The following RAB30 variants were observed in gnomAD, a reference collection of about 807,000 sequenced individuals.
RAB30 encodes ras-related protein Rab-30.
In RAB30, 9 loss-of-function variants were observed where a neutral mutation model predicts 25.1. That is an observed-to-expected ratio of 0.36 (90% CI 0.22 to 0.63). RAB30 has a LOEUF of 0.63. RAB30 is among the 20% of genes least tolerant of loss of function. The pLI is 0.69. For missense variants in RAB30, 140 were observed against 243.5 expected (o/e 0.58, Z 2.83); for synonymous variants, 77 against 86.4 (o/e 0.89, Z 0.60).
chr11:83,014,677 AG>A (rs1240777365), intron 1 of RAB30, among the ~76,000 whole-genome samples: 3 of 147,528 alleles, frequency 2.0e-5, no homozygotes, highest in Non-Finnish European at 4.5e-5. Flanking sequence ...AAAGAAAGAA[AG>A]AAAGAAAGAA....
At chr11:83,021,831 A>C (rs1857586065) in intron 1 of RAB30, among the ~76,000 whole-genome samples, 1 of 152,264 alleles carries the variant, frequency 6.6e-6, no homozygotes. Flanking sequence ...TTTGTAAAGC[A>C]TCTGTCACAG....
chr11:83,065,905 G>A (rs1858686324), intron 1 of RAB30, among the ~76,000 whole-genome samples: 2 of 152,144 alleles, frequency 1.3e-5, no homozygotes, highest in African/African-American at 2.4e-5. Context: ...ATATGTGCAT[G>A]TACGTATGAA....
At chr11:82,991,096 T>A (rs566595278) in intron 3 of RAB30, among the ~76,000 whole-genome samples, 1 of 152,198 alleles carries the variant, frequency 6.6e-6, no homozygotes, top group East Asian at 1.9e-4. Flanking sequence ...GCCATACGAA[T>A]CACTGGTGGA....
At chr11:83,022,940 C>T (rs1038987224) in intron 1 of RAB30, among the ~76,000 whole-genome samples, 6 of 150,608 alleles carry the variant, frequency 4.0e-5, no homozygotes, top group Non-Finnish European at 7.4e-5. Context: ...TTCAAATGGT[C>T]CAGCATATAT....
In RAB30 at chr11:82,974,950, T is replaced by TC. The variant is rs1367625144; in HGVS notation, c.*7214_*7215insG. 1 of 150,382 alleles carries TC rather than the reference T, an allele frequency of 6.6e-6. No homozygotes were observed. Among genetic ancestry groups the TC allele is most frequent in the Non-Finnish European group, 1.5e-5 (1 of 67,510 alleles). The allele number at this position is 150,382 out of a possible 1,614,324, so 9.3% of individuals were successfully genotyped here. A position where few individuals can be genotyped will look rare whatever the true frequency, so the allele number is the denominator to read the frequency against. ...AGCAGAGTTTGTTGTTTTTTCTTTTTTTTTTTTTTTTTGCTGAAAACAGAA... is the reference window on the plus strand; with the variant it reads ...AGCAGAGTTTGTTGTTTTTTCTTTTTCTTTTTTTTTTTTGCTGAAAACAGAA... On this transcript the variant is annotated 3_prime_UTR_variant, in exon 5 of 5. Coordinates refer to ENST00000527633, the MANE Select transcript of RAB30 (RefSeq NM_001286060.2).
At chr11:83,049,997 C>A (rs570280938) in intron 1 of RAB30, among the ~76,000 whole-genome samples, 3 of 152,236 alleles carry the variant, frequency 2.0e-5, no homozygotes, top group Admixed American at 6.5e-5. Flanking sequence ...GTGGCTCATG[C>A]CTATAATCCC....
At position 82,974,254 on chromosome 11, in the gene RAB30, ATATCT is replaced by A. The variant is rs1246149885; in HGVS notation, c.*7906_*7910del. The A allele has an allele frequency of 1.3e-5, 2 of 152,204 alleles. No homozygotes were observed. Among genetic ancestry groups the A allele is most frequent in the African/African-American group, 2.4e-5 (1 of 41,452 alleles). 9.4% of individuals were successfully genotyped at this position (152,204 alleles called of 1,614,324 possible). On this transcript the variant is annotated 3_prime_UTR_variant, in exon 5 of 5. Transcript: ENST00000527633. ...GGATAAACCGTATGGTGCATGAATG[ATATCT>A]TAATTTTAAAAAGAGATGCAACTTC...
chr11:82,992,892 G>A (rs564023041), intron 3 of RAB30, among the ~76,000 whole-genome samples: 1 of 152,112 alleles, frequency 6.6e-6, no homozygotes, highest in Admixed American at 6.5e-5. Context: ...GACTACAGGC[G>A]CATGCCACCA....
At chr11:83,004,044 A>G (rs536536376) in intron 1 of RAB30, among the ~76,000 whole-genome samples, 6 of 152,286 alleles carry the variant, frequency 3.9e-5, no homozygotes, top group Admixed American at 3.9e-4. Flanking sequence ...AAATTCCCAT[A>G]ATGAAGGCCA....
intron 1 of RAB30, among the ~76,000 whole-genome samples, chr11:83,049,460 G>A (rs1294137823): frequency 7.1e-6 from 1 of 140,126 alleles, no homozygotes; most frequent in Non-Finnish European, 1.6e-5. Flanking sequence ...GGGGGGCAGA[G>A]GCGGGGGGTG....
At chr11:83,027,966 C>T (rs1420868435) in intron 1 of RAB30, among the ~76,000 whole-genome samples, 4 of 152,028 alleles carry the variant, frequency 2.6e-5, no homozygotes, top group Admixed American at 2.6e-4. Flanking sequence ...CAGCTTTTTT[C>T]CTCCCCCTCT....
intron 1 of RAB30, among the ~76,000 whole-genome samples, chr11:83,003,242 C>G (rs888727569): frequency 6.6e-6 from 1 of 152,160 alleles, no homozygotes; most frequent in East Asian, 1.9e-4. Flanking sequence ...TGGAAAGGTA[C>G]TCCTTTTAAA....
chr11:83,061,687 G>A (rs1858582215), intron 1 of RAB30, among the ~76,000 whole-genome samples: 1 of 148,332 alleles, frequency 6.7e-6, no homozygotes, highest in Non-Finnish European at 1.5e-5. Flanking sequence ...TGTTTTTTTA[G>A]GTGGGATTTT....
At chr11:82,993,954 G>A (rs944281939) in intron 3 of RAB30, 85 bp downstream of exon 3, 1 of 1,089,840 alleles carries the variant, frequency 9.2e-7, no homozygotes, top group African/African-American at 1.6e-5. Context: ...TCAATTAGGA[G>A]ATTTAATAAA....
chr11:83,063,171 C>A (rs979449192), intron 1 of RAB30, among the ~76,000 whole-genome samples: 4 of 152,140 alleles, frequency 2.6e-5, no homozygotes, highest in African/African-American at 9.7e-5. Context: ...GATGGCCACT[C>A]CTAAGCTCAC....
At chr11:82,991,962 G>T (rs978515969) in intron 3 of RAB30, among the ~76,000 whole-genome samples, 30 of 152,154 alleles carry the variant, frequency 2.0e-4, no homozygotes, top group African/African-American at 7.0e-4. Context: ...ATTCAGGAAA[G>T]AAAAATAAGC....
At chr11:83,003,251 A>C (rs1271610186) in intron 1 of RAB30, among the ~76,000 whole-genome samples, 3 of 152,234 alleles carry the variant, frequency 2.0e-5, no homozygotes, top group African/African-American at 4.8e-5. Flanking sequence ...ACTCCTTTTA[A>C]AAATATATAA....
intron 1 of RAB30, among the ~76,000 whole-genome samples, chr11:83,017,768 C>G (rs1425914525): frequency 6.6e-6 from 1 of 152,054 alleles, no homozygotes; most frequent in African/African-American, 2.4e-5. Flanking sequence ...TTTTCTTTAT[C>G]TGCTCATTGG....
chr11:83,064,072 A>G (rs1858640237), intron 1 of RAB30, among the ~76,000 whole-genome samples: 1 of 152,160 alleles, frequency 6.6e-6, no homozygotes, highest in Non-Finnish European at 1.5e-5. Context: ...TTCCCTATAC[A>G]GTCCATGTGT....
Sources: allele counts gnomAD v4.1 joint callset (sites outside exome capture counted in the v4.1 genomes callset), GRCh38; gene constraint gnomAD v4.1.1; transcripts MANE v1.5; gene names NCBI Gene and HGNC (gene_info 2026-07-23, HGNC 2026-07-21).